The following HYDIN variants were observed in gnomAD, a reference collection of about 807,000 sequenced individuals.
The protein encoded by HYDIN is HYDIN axonemal central pair apparatus protein, also known as axonemal central pair apparatus protein HYDIN.
HYDIN carries 132 observed loss-of-function variants against 403.9 expected under a neutral mutation model. The observed-to-expected ratio is 0.33, with a 90% CI of 0.28 to 0.38. The LOEUF (loss-of-function observed/expected upper bound fraction) is 0.38, where lower values mean the gene tolerates loss of function less well. Ranked by LOEUF, HYDIN falls within the 10% of genes least tolerant of loss-of-function variation. The probability of loss-of-function intolerance (pLI) is 1.00; values close to 1 mark genes in which losing one functional copy is unlikely to be tolerated. For missense variants in HYDIN, 2,827 were observed against 5,009.5 expected (o/e 0.56, Z 13.15); for synonymous variants, 1,202 against 1,891.7 (o/e 0.64, Z 9.46).
chr16:71,045,481 G>A (rs1365446605), intron 18 of HYDIN, among the ~76,000 whole-genome samples: 1 of 152,100 alleles, frequency 6.6e-6, no homozygotes, highest in African/African-American at 2.4e-5. Context: ...GGGGAGGCAA[G>A]TATATCTAAT....
intron 11 of HYDIN, 82 bp downstream of exon 11, chr16:71,093,735 A>G (rs796956594): frequency 2.7e-6 from 4 of 1,508,186 alleles, no homozygotes; most frequent in Non-Finnish European, 3.6e-6. Flanking sequence ...TACTCTTTCC[A>G]TCAAATAAAA....
At chr16:71,114,936 T>A (rs1417468877) in intron 10 of HYDIN, among the ~76,000 whole-genome samples, 1 of 108,708 alleles carries the variant, frequency 9.2e-6, no homozygotes, top group African/African-American at 3.7e-5. Context: ...CAAGCTGCCT[T>A]CCCATCCCAC....
At chr16:70,822,918 C>CA (rs1457067661) in intron 83 of HYDIN, among the ~76,000 whole-genome samples, 1 of 132,998 alleles carries the variant, frequency 7.5e-6, no homozygotes, top group African/African-American at 2.9e-5. Flanking sequence ...TACCAGGAAA[C>CA]AAAAAATATT....
chr16:71,226,728 T>A (rs2041048954), intron 1 of HYDIN, among the ~76,000 whole-genome samples: 1 of 152,094 alleles, frequency 6.6e-6, no homozygotes, highest in Admixed American at 6.5e-5. Context: ...CTTATCTGAG[T>A]TCCTTTCTTA....
intron 23 of HYDIN, among the ~76,000 whole-genome samples, chr16:71,010,176 A>G (rs1253366309): frequency 6.7e-6 from 1 of 148,560 alleles, no homozygotes; most frequent in Non-Finnish European, 1.5e-5. Flanking sequence ...CCCCTTCATG[A>G]CCTTTTTGCC....
At chr16:71,038,952 C>T (rs1481912309) in intron 18 of HYDIN, among the ~76,000 whole-genome samples, 5 of 152,282 alleles carry the variant, frequency 3.3e-5, no homozygotes, top group African/African-American at 7.2e-5. Context: ...TTCTCCTGTT[C>T]GTCTTCTAAA....
At chr16:70,901,584 CT>C (rs77192535) in intron 52 of HYDIN, among the ~76,000 whole-genome samples, 7,430 of 123,142 alleles carry the variant, frequency 0.06, 573 homozygotes, top group African/African-American at 0.21. Context: ...TATTTTCTTT[CT>C]TTTTTTTTTT....
chr16:71,173,568 A>T (rs2144633999), intron 5 of HYDIN, among the ~76,000 whole-genome samples: 1 of 152,362 alleles, frequency 6.6e-6, no homozygotes, highest in Admixed American at 6.5e-5. Flanking sequence ...CACAAAGAAG[A>T]CAGACTAGCA....
At chr16:70,927,810 A>G (rs570313402) in intron 45 of HYDIN, among the ~76,000 whole-genome samples, 3 of 152,348 alleles carry the variant, frequency 2.0e-5, no homozygotes, top group Non-Finnish European at 2.9e-5. Flanking sequence ...TAGAAAAATA[A>G]TATCATCAAA....
chr16:70,921,135 T>A lies in HYDIN; in HGVS notation c.7241A>T (p.Lys2414Met). The A allele has an allele frequency of 6.5e-7, 1 of 1,529,948 alleles. No individual in the cohort carries two copies. The highest frequency in any genetic ancestry group is 1.8e-5 in the Admixed American group (1 of 56,358). 94.8% of individuals were successfully genotyped at this position (1,529,948 alleles called of 1,614,324 possible). The change falls in exon 46 of 86, where the codon AAG becomes ATG. Residue 2414 changes from lysine (K) to methionine (M), a missense_variant. By Grantham distance (95) the Lys-to-Met change is moderately conservative. Transcript: ENST00000393567. ...CCTTTTCTTCTTATTTAGCTCTTCC[T>A]TCTCAGACATTGTTTGTTCCCTAAC... is the stretch of plus-strand genomic sequence containing the variant. ...ISVREQTMSE[K>M]EELNKKKRNM...
chr16:70,818,605 G>A, intron 83 of HYDIN, 33 bp from the exon 84 acceptor site: 1 of 741,558 alleles, frequency 1.3e-6, no homozygotes, highest in Non-Finnish European at 2.3e-6. Flanking sequence ...AGGAAGGAGG[G>A]AAGAGTAGGG....
At chr16:71,096,264 AGATTT>A (rs1423463434) in intron 10 of HYDIN, among the ~76,000 whole-genome samples, 1 of 151,382 alleles carries the variant, frequency 6.6e-6, no homozygotes, top group African/African-American at 2.4e-5. Context: ...GTCTTCTGAT[AGATTT>A]AATTTTTATG....
chr16:71,021,012 C>T (rs2080468592), intron 21 of HYDIN, among the ~76,000 whole-genome samples: 1 of 150,904 alleles, frequency 6.6e-6, no homozygotes, highest in South Asian at 2.1e-4. Flanking sequence ...TTAGTTATAT[C>T]TTATGCATAA....
chr16:70,990,768 A>C (rs1383633537), intron 25 of HYDIN, among the ~76,000 whole-genome samples: 2 of 152,188 alleles, frequency 1.3e-5, no homozygotes, highest in Middle Eastern at 3.2e-3. Context: ...AATTTCTAGA[A>C]GGGGGACAAT....
chr16:71,002,441 A>G (rs1448282110), intron 23 of HYDIN, among the ~76,000 whole-genome samples: 1 of 151,576 alleles, frequency 6.6e-6, no homozygotes, highest in African/African-American at 2.4e-5. Context: ...CATCCCAGCT[A>G]GTTGGAGGGC....
At chr16:70,825,754 T>C (rs1286286272) in intron 83 of HYDIN, among the ~76,000 whole-genome samples, 1 of 151,732 alleles carries the variant, frequency 6.6e-6, no homozygotes, top group African/African-American at 2.4e-5. Context: ...TTTCTGTTTC[T>C]GTAGATTGGC....
intron 23 of HYDIN, among the ~76,000 whole-genome samples, chr16:71,005,174 T>C (rs2079855333): frequency 6.6e-6 from 1 of 152,308 alleles, no homozygotes; most frequent in Middle Eastern, 3.4e-3. Context: ...GTTCTACATA[T>C]GTCAATTATA....
At chr16:71,120,808 G>C (rs1002533900) in intron 9 of HYDIN, among the ~76,000 whole-genome samples, 9 of 151,206 alleles carry the variant, frequency 6.0e-5, no homozygotes, top group African/African-American at 2.2e-4. Context: ...TAATTTTCCT[G>C]GTTTATCTAA....
At chr16:71,062,051 T>C in intron 17 of HYDIN, 118 bp downstream of exon 17, 2 of 847,286 alleles carry the variant, frequency 2.4e-6, no homozygotes, top group Non-Finnish European at 3.7e-6. Flanking sequence ...CATAAAACCC[T>C]ACAACTCCAA....
Sources: gnomAD v4.1 joint callset for allele counts (sites outside exome capture counted in the v4.1 genomes callset) on GRCh38, gnomAD v4.1.1 for gene constraint, MANE v1.5 for transcripts, NCBI Gene and HGNC (gene_info 2026-07-23, HGNC 2026-07-21) for gene names.